The following GALNT18 variants were observed in gnomAD, a reference collection of about 807,000 sequenced individuals.
The protein encoded by GALNT18 is GalNAc-transferase 18.
GALNT18 carries 44 observed loss-of-function variants against 69.5 expected under a neutral mutation model. The observed-to-expected ratio is 0.63, with a 90% CI of 0.50 to 0.81. GALNT18 has a LOEUF of 0.81. Among genes scored for constraint, GALNT18 ranks in the 40% least tolerant of loss-of-function variants. The probability of loss-of-function intolerance (pLI) is 0.00; values close to 1 mark genes in which losing one functional copy is unlikely to be tolerated. For missense variants in GALNT18, 715 were observed against 810.0 expected, an observed-to-expected ratio of 0.88 and a Z score of 1.42; for synonymous variants, 364 against 318.2, an observed-to-expected ratio of 1.14 and a Z score of -1.53.
intron 9 of GALNT18, among the ~76,000 whole-genome samples, chr11:11,316,188 C>T (rs1457443261): frequency 6.6e-6 from 1 of 152,150 alleles, no homozygotes; most frequent in Non-Finnish European, 1.5e-5. Context: ...AAACCACACG[C>T]CACGGAGTCA....
Position 11,341,037 on chromosome 11 carries a change from T to A in GALNT18, c.1093-33A>T. 1 of 1,547,196 alleles carries A rather than the reference T, an allele frequency of 6.5e-7. No individual in the cohort carries two copies. The highest frequency in any genetic ancestry group is 8.8e-7 in the Non-Finnish European group (1 of 1,142,492). ...AGACATGGAGCCACTTGTCAGAGCC[T>A]GCCTGGCTCTGCCTTTCTACACCAG... On this transcript the variant is annotated intron_variant, in intron 6 of 10. Coordinates refer to ENST00000227756, the MANE Select transcript of GALNT18 (RefSeq NM_198516.3). This position sits in a 1 kb window ranked among gnomAD's most constrained non-coding sequence, Gnocchi z 6.3.
rs191129423 is a variant in GALNT18, at chr11:11,502,175, C to T, written c.236-53239G>A. 4.6e-5 allele frequency among the ~76,000 whole-genome samples: 7 copies of T among 152,268 alleles called. No homozygotes were observed. In the South Asian group the frequency reaches 6.2e-4, roughly 14 times the overall value. On this transcript the variant is annotated intron_variant, in intron 1 of 10. Transcript: ENST00000227756. ...AGCACCTCATAAAGCGAGGCTCAGA[C>T]GGCATGAATAAGATGTATCTCTAAG...
chr11:11,614,546 C>T lies in GALNT18; in HGVS notation c.235+6813G>A, dbSNP rs376066151. Reference sequence around the variant, plus strand: ...TCAAACACTGGGGACCACATTTCAACATGAGATTTGGAGGGTACAAACATT... The same window carrying T: ...TCAAACACTGGGGACCACATTTCAATATGAGATTTGGAGGGTACAAACATT... On this transcript the variant is annotated intron_variant, in intron 1 of 10. Coordinates refer to ENST00000227756, the MANE Select transcript of GALNT18 (RefSeq NM_198516.3). The surrounding 1 kb of genome is among the most constrained non-coding windows in gnomAD (Gnocchi z 5.6). Among the ~76,000 whole-genome samples, 21 of 152,332 alleles carry T rather than the reference C, an allele frequency of 1.4e-4. No individual in the cohort carries two copies. The highest frequency in any genetic ancestry group is 4.3e-4 in the African/African-American group (18 of 41,574).
Position 11,271,073 on chromosome 11 carries a change from G to T in GALNT18, c.*71C>A. The T allele has an allele frequency of 6.8e-7, 1 of 1,473,142 alleles. No homozygotes were observed. 91.3% of individuals were successfully genotyped at this position (1,473,142 alleles called of 1,614,324 possible). A position where few individuals can be genotyped will look rare whatever the true frequency, so the allele number is the denominator to read the frequency against. On this transcript the variant is annotated 3_prime_UTR_variant, in exon 11 of 11. Transcript: ENST00000227756. ...TTCCCCAGACTCCAAACAACCCCACGTGGACAGCAGGCAACGTTGCAGCAG... is the reference window on the plus strand; with the variant it reads ...TTCCCCAGACTCCAAACAACCCCACTTGGACAGCAGGCAACGTTGCAGCAG...
chr11:11,434,264 C>A (rs1185493091), intron 2 of GALNT18, among the ~76,000 whole-genome samples: 1 of 152,158 alleles, frequency 6.6e-6, no homozygotes, highest in Admixed American at 6.5e-5. Flanking sequence ...GGAGTTGACC[C>A]TTTTCCTAAA....
Position 11,591,493 on chromosome 11 carries a change from A to G in GALNT18, c.235+29866T>C, listed in dbSNP as rs999439491. Among the ~76,000 whole-genome samples, 1 of 152,116 alleles carries G rather than the reference A, an allele frequency of 6.6e-6. No homozygotes were observed. The highest frequency in any genetic ancestry group is 1.5e-5 in the Non-Finnish European group (1 of 68,018). ...TGTAAATGCAAATTATTCCAATCAC[A>G]TCCTTCCAATTTTATAGGCAAGTGG... is the stretch of plus-strand genomic sequence containing the variant. On this transcript the variant is annotated intron_variant, in intron 1 of 10. Transcript: ENST00000227756. This position sits in a 1 kb window ranked among gnomAD's most constrained non-coding sequence, Gnocchi z 4.8.
intron 1 of GALNT18, among the ~76,000 whole-genome samples, chr11:11,517,958 T>C (rs1348309944): frequency 6.6e-6 from 1 of 152,234 alleles, no homozygotes; most frequent in East Asian, 1.9e-4. Context: ...TTGTAAGTCA[T>C]CCTGGGAAAA....
At chr11:11,495,759 T>C (rs1047341953) in intron 1 of GALNT18, among the ~76,000 whole-genome samples, 1 of 152,126 alleles carries the variant, frequency 6.6e-6, no homozygotes, top group Non-Finnish European at 1.5e-5. Context: ...GTTGGGGCAA[T>C]CCTCATTATA....
At position 11,470,685 on chromosome 11, in the gene GALNT18, C is replaced by G. The variant is rs1489662909; in HGVS notation, c.236-21749G>C. 1.3e-5 allele frequency among the ~76,000 whole-genome samples: 2 copies of G among 152,136 alleles called. No homozygotes were observed. Among genetic ancestry groups the G allele is most frequent in the Non-Finnish European group, 2.9e-5 (2 of 68,016 alleles). ...CTTTCAGGCTCCACTAGCTGGGTCC[C>G]TTGGCAAATTCTCAGACCCCTTCCT... On this transcript the variant is annotated intron_variant, in intron 1 of 10. Transcript: ENST00000227756. The surrounding 1 kb of genome is among the most constrained non-coding windows in gnomAD (Gnocchi z 4.8).
At chr11:11,289,708 T>C (rs921537921) in intron 10 of GALNT18, among the ~76,000 whole-genome samples, 2 of 151,958 alleles carry the variant, frequency 1.3e-5, no homozygotes, top group Non-Finnish European at 2.9e-5. Flanking sequence ...CCTCAGAGCG[T>C]GGGTGGGAAG....
At chr11:11,290,611 T>C (rs1452263561) in intron 10 of GALNT18, among the ~76,000 whole-genome samples, 1 of 152,188 alleles carries the variant, frequency 6.6e-6, no homozygotes, top group East Asian at 1.9e-4. Context: ...TTCCTCTCCC[T>C]GGAATGCCCT....
chr11:11,438,733 T>C (rs150048075), intron 2 of GALNT18, among the ~76,000 whole-genome samples: 1,718 of 152,180 alleles, frequency 0.011, 37 homozygotes, highest in African/African-American at 0.04. Flanking sequence ...CCCAGAGACC[T>C]TGAGCGAGGG....
intron 9 of GALNT18, among the ~76,000 whole-genome samples, chr11:11,302,517 G>A (rs1295764336): frequency 6.6e-6 from 1 of 152,118 alleles, no homozygotes; most frequent in East Asian, 1.9e-4. Context: ...TTCTGCATCA[G>A]TGGCTTTCTC....
Position 11,332,607 on chromosome 11 carries a change from G to T in GALNT18, c.1416+87C>A. ...ACTGCAGTTCTTCATGTGAGCAGCT[G>T]AGAGGCTCTTTCCCTCCTCTCCCTT... On this transcript the variant is annotated intron_variant, in intron 8 of 10. Transcript: ENST00000227756. The surrounding 1 kb of genome is among the most constrained non-coding windows in gnomAD (Gnocchi z 4.3). 2 of 1,486,556 alleles carry T rather than the reference G, an allele frequency of 1.3e-6. No individual in the cohort carries two copies. The highest frequency in any genetic ancestry group is 1.4e-5 in the African/African-American group (1 of 72,184). The allele number at this position is 1,486,556 out of a possible 1,614,324, so 92.1% of individuals were successfully genotyped here. A position where few individuals can be genotyped will look rare whatever the true frequency, so the allele number is the denominator to read the frequency against.
Position 11,617,354 on chromosome 11 carries a change from C to A in GALNT18, c.235+4005G>T, listed in dbSNP as rs1860079889. Among the ~76,000 whole-genome samples, 1 of 152,206 alleles carries A rather than the reference C, an allele frequency of 6.6e-6. No individual in the cohort carries two copies. Among genetic ancestry groups the A allele is most frequent in the African/African-American group, 2.4e-5 (1 of 41,448 alleles). ...ATGACAAGGACCAAGAGTGCCCATA[C>A]TCCTGTAGAGTGTCTCTAGTATACA... On this transcript the variant is annotated intron_variant, in intron 1 of 10. Coordinates refer to ENST00000227756, the MANE Select transcript of GALNT18 (RefSeq NM_198516.3). This position sits in a 1 kb window ranked among gnomAD's most constrained non-coding sequence, Gnocchi z 4.7.
intron 1 of GALNT18, among the ~76,000 whole-genome samples, chr11:11,455,674 G>T (rs1426086516): frequency 6.6e-6 from 1 of 152,322 alleles, no homozygotes; most frequent in Non-Finnish European, 1.5e-5. Context: ...GGGGCAGGAA[G>T]AACCACAGTG....
chr11:11,545,258 C>CTTTCATAAAAGTAAAG (rs1237354896), intron 1 of GALNT18, among the ~76,000 whole-genome samples: 1 of 152,228 alleles, frequency 6.6e-6, no homozygotes, highest in Non-Finnish European at 1.5e-5. Context: ...TTTGAATGCG[C>CTTTCATAAAAGTAAAG]TTTCATAAAA....
intron 3 of GALNT18, among the ~76,000 whole-genome samples, chr11:11,417,846 C>G (rs748141353): frequency 2.6e-5 from 4 of 152,194 alleles, no homozygotes; most frequent in African/African-American, 7.2e-5. Flanking sequence ...CTTCTCTGAG[C>G]CTCAGCGTTC....
At chr11:11,578,448 C>A (rs564037695) in intron 1 of GALNT18, among the ~76,000 whole-genome samples, 4 of 151,840 alleles carry the variant, frequency 2.6e-5, no homozygotes, top group African/African-American at 7.3e-5. Flanking sequence ...AGCTTTCCTG[C>A]AGGTAAAAAG....
Sources: allele counts gnomAD v4.1 joint callset (sites outside exome capture counted in the v4.1 genomes callset), GRCh38; gene constraint gnomAD v4.1.1; non-coding constraint Gnocchi (gnomAD v3.1); transcripts MANE v1.5; gene names NCBI Gene and HGNC (gene_info 2026-07-23, HGNC 2026-07-21).